ADGRV1: variants seen among roughly 807,000 people sequenced by gnomAD.
The protein encoded by ADGRV1 is adhesion G protein-coupled receptor V1.
A neutral mutation model predicts 596.2 loss-of-function variants in ADGRV1; 359 were observed. The ratio of observed to expected loss-of-function variants is 0.60; its 90% CI spans 0.55 to 0.66. The LOEUF (loss-of-function observed/expected upper bound fraction) is 0.66, where lower values mean the gene tolerates loss of function less well. Ranked by LOEUF, ADGRV1 falls within the 30% of genes least tolerant of loss-of-function variation. The pLI is 0.00. For synonymous variants in ADGRV1, 2,681 were observed against 2,679.2 expected (o/e 1.00, Z -0.02); for missense variants, 7,274 against 7,575.6 (o/e 0.96, Z 1.48).
chr5:90,574,510 G>C (rs1408002326), intron 1 of ADGRV1, among the ~76,000 whole-genome samples: 1 of 152,118 alleles, frequency 6.6e-6, no homozygotes, highest in South Asian at 2.1e-4. Flanking sequence ...TATCCTGAAA[G>C]TTTACTAAAA....
At chr5:90,595,901 CTCCCTCCCGGATGGGGT>C (rs372182334) in intron 1 of ADGRV1, among the ~76,000 whole-genome samples, 10,207 of 150,600 alleles carry the variant, frequency 0.068, 383 homozygotes, top group Non-Finnish European at 0.09. Context: ...CCCCCCCCAC[CTCCCTCCCGGATGGGGT>C]GGCTGCCGGG....
intron 87 of ADGRV1, among the ~76,000 whole-genome samples, chr5:91,119,804 A>G (rs1244061050): frequency 3.3e-5 from 5 of 152,188 alleles, no homozygotes; most frequent in Admixed American, 6.5e-5. Flanking sequence ...ACTTGGCTCA[A>G]TTATAGAAGT....
At chr5:90,731,339 G>T (rs1483506142) in intron 50 of ADGRV1, among the ~76,000 whole-genome samples, 1 of 152,126 alleles carries the variant, frequency 6.6e-6, no homozygotes, top group Admixed American at 6.6e-5. Context: ...AGCAGCAAGC[G>T]GGAAATCCGC....
rs201285871 is a variant in ADGRV1, at chr5:91,163,811, T to C, written c.18832T>C (p.Ser6278Pro). ...TGGTCTCAGTGTCAGTGATAATGAA[T>C]CTGGTCAAGGCAGCCAGGAGGGGGG... Reference protein sequence around the residue: ...GAGLSVSDNESGQGSQEGGTL... With the variant: ...GAGLSVSDNEPGQGSQEGGTL... The change falls in exon 90 of 90, where the codon TCT (serine) becomes CCT (proline). Residue 6278 changes from serine to proline, a missense_variant. Ser to Pro is a moderately conservative substitution (Grantham distance 74, BLOSUM62 -1). Transcript: ENST00000405460. 2 of 1,592,182 alleles carry C rather than the reference T, an allele frequency of 1.3e-6. No individual in the cohort carries two copies. The highest frequency in any genetic ancestry group is 1.7e-6 in the Non-Finnish European group (2 of 1,164,208).
chr5:91,083,126 C>T (rs769126005), intron 86 of ADGRV1, among the ~76,000 whole-genome samples: 2 of 151,604 alleles, frequency 1.3e-5, no homozygotes, highest in Non-Finnish European at 2.9e-5. Context: ...TCATTCTCAG[C>T]AAAGTGTCGC....
chr5:90,982,744 G>C (rs1780180439), intron 84 of ADGRV1, among the ~76,000 whole-genome samples: 1 of 67,644 alleles, frequency 1.5e-5, no homozygotes, highest in African/African-American at 8.9e-5. Flanking sequence ...GATTGGCTCA[G>C]CCGGGCCAGG....
At chr5:90,683,308 T>C (rs1262640180) in intron 27 of ADGRV1, among the ~76,000 whole-genome samples, 2 of 152,150 alleles carry the variant, frequency 1.3e-5, no homozygotes, top group African/African-American at 4.8e-5. Flanking sequence ...AGTCCTGGGC[T>C]CCAGGGACCC....
intron 85 of ADGRV1, among the ~76,000 whole-genome samples, chr5:91,042,655 A>G (rs926644545): frequency 6.6e-6 from 1 of 152,168 alleles, no homozygotes; most frequent in African/African-American, 2.4e-5. Context: ...CCATCAGGAT[A>G]ATTTAATCTG....
intron 59 of ADGRV1, among the ~76,000 whole-genome samples, chr5:90,766,784 T>G (rs73772490): frequency 0.035 from 5,405 of 152,290 alleles, 127 homozygotes; most frequent in African/African-American, 0.067. Flanking sequence ...CTTTATGTCT[T>G]CATCAGCATG....
intron 64 of ADGRV1, 56 bp from the exon 65 acceptor site, chr5:90,781,374 T>C (rs1304357674): frequency 2.3e-6 from 3 of 1,281,704 alleles, no homozygotes; most frequent in Non-Finnish European, 3.3e-6. Flanking sequence ...TATGCAATTA[T>C]GTATTTTTTG....
chr5:90,963,114 A>G (rs1413578912), intron 83 of ADGRV1, among the ~76,000 whole-genome samples: 1 of 152,222 alleles, frequency 6.6e-6, no homozygotes, highest in African/African-American at 2.4e-5. Flanking sequence ...CACAATCCAT[A>G]TAATAGAATC....
chr5:90,927,013 C>G (rs1442765203), intron 83 of ADGRV1, among the ~76,000 whole-genome samples: 1 of 149,648 alleles, frequency 6.7e-6, no homozygotes, highest in Admixed American at 6.7e-5. Context: ...TTGTTATAAT[C>G]TCTGTTCTTT....
intron 1 of ADGRV1, among the ~76,000 whole-genome samples, chr5:90,613,792 A>G (rs16868842): frequency 0.021 from 3,229 of 152,218 alleles, 100 homozygotes; most frequent in African/African-American, 0.067. Flanking sequence ...AGGAACTCAT[A>G]TATTTGGCGT....
chr5:90,935,600 C>T (rs984125373), intron 83 of ADGRV1, among the ~76,000 whole-genome samples: 9 of 152,216 alleles, frequency 5.9e-5, no homozygotes, highest in African/African-American at 2.2e-4. Context: ...TGGCATGTGA[C>T]TTTCTAATAC....
At chr5:91,001,139 G>C (rs1366554013) in intron 85 of ADGRV1, among the ~76,000 whole-genome samples, 1 of 152,042 alleles carries the variant, frequency 6.6e-6, no homozygotes, top group Admixed American at 6.5e-5. Context: ...GTGCAGTGGT[G>C]CAGTAATGGC....
chr5:90,568,009 A>C (rs1242735852), intron 1 of ADGRV1, among the ~76,000 whole-genome samples: 1 of 152,176 alleles, frequency 6.6e-6, no homozygotes, highest in Non-Finnish European at 1.5e-5. Context: ...AAGTATTGGG[A>C]TTACAGGCAT....
At chr5:90,667,714 G>A (rs528191632) in intron 21 of ADGRV1, among the ~76,000 whole-genome samples, 3 of 152,074 alleles carry the variant, frequency 2.0e-5, no homozygotes, top group Non-Finnish European at 4.4e-5. Context: ...CAGTTTTTCT[G>A]TTCTGTTTTT....
Position 91,072,580 on chromosome 5 carries a change from T to A in ADGRV1, c.18286T>A (p.Phe6096Ile). The change falls in exon 86 of 90, where the codon TTC (phenylalanine) becomes ATC (isoleucine). Residue 6096 changes from phenylalanine to isoleucine, a missense_variant. Coordinates refer to ENST00000405460, the MANE Select transcript of ADGRV1 (RefSeq NM_032119.4). ...ACAGTGGAAAGCATATGATGATGTC[T>A]TCAGAGGAAGGACAAATGCTGCAGG... ...KPQWKAYDDV[F>I]RGRTNAAEIP... is the part of the protein sequence containing the mutation. 6.2e-7 allele frequency: 1 copy of A among 1,613,818 alleles called. No individual in the cohort carries two copies. The highest frequency in any genetic ancestry group is 1.7e-5 in the Admixed American group (1 of 60,022).
chr5:90,601,141 G>C (rs1419457843), intron 1 of ADGRV1, among the ~76,000 whole-genome samples: 2 of 152,040 alleles, frequency 1.3e-5, no homozygotes, highest in Non-Finnish European at 1.5e-5. Flanking sequence ...AGGAATCTGA[G>C]GCAGGAGAAT....
Sources: allele counts gnomAD v4.1 joint callset (sites outside exome capture counted in the v4.1 genomes callset), GRCh38; gene constraint gnomAD v4.1.1; transcripts MANE v1.5; gene names NCBI Gene and HGNC (gene_info 2026-07-23, HGNC 2026-07-21).